Variants in CNTN3 observed in about 807,000 individuals in gnomAD.
The protein encoded by CNTN3 is contactin-3.
CNTN3 carries 60 observed loss-of-function variants against 119.1 expected under a neutral mutation model. That is an observed-to-expected ratio of 0.50 (90% confidence interval 0.41 to 0.62). CNTN3 has a LOEUF of 0.62. CNTN3 is among the 20% of genes least tolerant of loss of function. The probability of loss-of-function intolerance (pLI) is 0.00; values close to 1 mark genes in which losing one functional copy is unlikely to be tolerated. For missense variants in CNTN3, 1,101 were observed against 1,242.4 expected, an observed-to-expected ratio of 0.89 and a Z score of 1.71; for synonymous variants, 450 against 438.7, an observed-to-expected ratio of 1.03 and a Z score of -0.32.
At chr3:74,394,406 A>G (rs994564407) in intron 5 of CNTN3, among the ~76,000 whole-genome samples, 8 of 152,186 alleles carry the variant, frequency 5.3e-5, no homozygotes, top group Non-Finnish European at 7.4e-5. Context: ...AGCTGACTTA[A>G]TTTTTAAATC....
intron 20 of CNTN3, among the ~76,000 whole-genome samples, chr3:74,279,821 A>T (rs952151384): frequency 2.0e-5 from 3 of 152,096 alleles, no homozygotes; most frequent in African/African-American, 7.2e-5. Context: ...CAAACAATTG[A>T]ACTCATGGAC....
intron 4 of CNTN3, among the ~76,000 whole-genome samples, chr3:74,450,375 T>C (rs1320705942): frequency 6.6e-6 from 1 of 152,062 alleles, no homozygotes; most frequent in East Asian, 1.9e-4. Context: ...GAAAGTTTGA[T>C]AAATTTCTAT....
Position 74,344,663 on chromosome 3 carries a change from G to C in CNTN3, c.1365-8005C>G, listed in dbSNP as rs867044449. Among the ~76,000 whole-genome samples the C allele has an allele frequency of 7.9e-5, 12 of 152,002 alleles. No homozygotes were observed. In the South Asian group the frequency reaches 2.3e-3, roughly 29 times the overall value. ...TTTAGTATAGACGAGGTTTCACCGT[G>C]TTAGCTAGGATGGTCGCAATTTCCT... On this transcript the variant is annotated intron_variant, in intron 11 of 22. Coordinates refer to ENST00000263665, the MANE Select transcript of CNTN3 (RefSeq NM_020872.3).
intron 4 of CNTN3, among the ~76,000 whole-genome samples, chr3:74,436,779 T>C (rs1018382902): frequency 1.3e-5 from 2 of 152,184 alleles, no homozygotes; most frequent in East Asian, 1.9e-4. Flanking sequence ...CTTCATTCTG[T>C]TTATTCTATT....
At chr3:74,484,445 CAA>C (rs1553670859) in intron 4 of CNTN3, among the ~76,000 whole-genome samples, 1 of 151,228 alleles carries the variant, frequency 6.6e-6, no homozygotes, top group African/African-American at 2.4e-5. Flanking sequence ...GAATGGGACA[CAA>C]AAAAAGAAAT....
chr3:74,515,658 A>ATATC (rs1703438186), intron 2 of CNTN3, among the ~76,000 whole-genome samples: 1 of 152,040 alleles, frequency 6.6e-6, no homozygotes, highest in Non-Finnish European at 1.5e-5. Context: ...AACATATCAA[A>ATATC]TATCTACACT....
chr3:74,509,591 G>A (rs887527301), intron 2 of CNTN3, among the ~76,000 whole-genome samples: 2 of 152,100 alleles, frequency 1.3e-5, no homozygotes, highest in Non-Finnish European at 2.9e-5. Context: ...CACTGTGCCC[G>A]GCTTCCTTTT....
chr3:74,545,184 T>G (rs915166902), intron 1 of CNTN3, among the ~76,000 whole-genome samples: 2 of 152,160 alleles, frequency 1.3e-5, no homozygotes, highest in Non-Finnish European at 2.9e-5. Flanking sequence ...TAAACTGCAA[T>G]TAAGTATCTA....
chr3:74,600,182 TG>T (rs1704886026), intron 1 of CNTN3, among the ~76,000 whole-genome samples: 1 of 151,894 alleles, frequency 6.6e-6, no homozygotes, highest in African/African-American at 2.4e-5. Context: ...GGGAGAGCCT[TG>T]GAAAGAAAGG....
At chr3:74,518,171 C>T (rs1386401673) in intron 2 of CNTN3, among the ~76,000 whole-genome samples, 3 of 151,922 alleles carry the variant, frequency 2.0e-5, no homozygotes, top group Admixed American at 2.0e-4. Context: ...CCTTCTTAGT[C>T]ACCATGCAGC....
intron 20 of CNTN3, among the ~76,000 whole-genome samples, chr3:74,272,215 T>C (rs1701791429): frequency 6.6e-6 from 1 of 152,176 alleles, no homozygotes; most frequent in South Asian, 2.1e-4. Context: ...CATAATGTTT[T>C]AAGAAAGTTT....
intron 1 of CNTN3, among the ~76,000 whole-genome samples, chr3:74,592,720 A>G (rs1206948763): frequency 6.6e-6 from 1 of 152,030 alleles, no homozygotes; most frequent in Admixed American, 6.6e-5. Flanking sequence ...CATCTAACAA[A>G]GAAGTTAATC....
chr3:74,273,479 GTGAT>G (rs1701821267), intron 20 of CNTN3, among the ~76,000 whole-genome samples: 1 of 152,204 alleles, frequency 6.6e-6, no homozygotes, highest in Non-Finnish European at 1.5e-5. Flanking sequence ...CCCAAATACT[GTGAT>G]TGCTCAAACT....
At chr3:74,430,467 G>A (rs1701764686) in intron 4 of CNTN3, among the ~76,000 whole-genome samples, 1 of 152,160 alleles carries the variant, frequency 6.6e-6, no homozygotes, top group African/African-American at 2.4e-5. Flanking sequence ...TTAGTGCTGG[G>A]CATGGTGTTT....
At chr3:74,564,407 C>G (rs1200584142) in intron 1 of CNTN3, among the ~76,000 whole-genome samples, 1 of 151,824 alleles carries the variant, frequency 6.6e-6, no homozygotes, top group Non-Finnish European at 1.5e-5. Flanking sequence ...TTGGTAAATT[C>G]CAAAAACAAG....
intron 4 of CNTN3, among the ~76,000 whole-genome samples, chr3:74,452,309 C>T (rs1702173607): frequency 7.9e-6 from 1 of 127,126 alleles, no homozygotes; most frequent in African/African-American, 3.1e-5. Flanking sequence ...TGATTTGGCT[C>T]TCTGTTTGTC....
intron 10 of CNTN3, among the ~76,000 whole-genome samples, chr3:74,363,605 A>G (rs1704124058): frequency 6.6e-6 from 1 of 152,138 alleles, no homozygotes; most frequent in Non-Finnish European, 1.5e-5. Flanking sequence ...ATCAGGCTAT[A>G]TGGGGCCAAT....
At chr3:74,435,325 C>T (rs1701848553) in intron 4 of CNTN3, among the ~76,000 whole-genome samples, 2 of 152,100 alleles carry the variant, frequency 1.3e-5, no homozygotes, top group Non-Finnish European at 1.5e-5. Flanking sequence ...AAGTTGTGTG[C>T]CAACATCCCC....
chr3:74,323,364 C>A (rs1271750065), intron 13 of CNTN3, among the ~76,000 whole-genome samples: 1 of 152,048 alleles, frequency 6.6e-6, no homozygotes, highest in African/African-American at 2.4e-5. Context: ...TATTATGTTT[C>A]CATTTATATG....
Sources: allele counts gnomAD v4.1 joint callset (sites outside exome capture counted in the v4.1 genomes callset), GRCh38; gene constraint gnomAD v4.1.1; transcripts MANE v1.5; gene names NCBI Gene and HGNC (gene_info 2026-07-23, HGNC 2026-07-21).